Variants in PBX4 observed in about 807,000 individuals in gnomAD.
The protein encoded by PBX4 is pre-B-cell leukemia transcription factor 4.
PBX4 carries 26 observed loss-of-function variants against 35.1 expected under a neutral mutation model. That is an observed-to-expected ratio of 0.74 (90% CI 0.54 to 1.03). The LOEUF (loss-of-function observed/expected upper bound fraction) is 1.03, where lower values mean the gene tolerates loss of function less well. Ranked by LOEUF, PBX4 falls within the 50% of genes least tolerant of loss-of-function variation. The pLI is 0.00. For synonymous variants in PBX4, 199 were observed against 204.2 expected, an observed-to-expected ratio of 0.97 and a Z score of 0.22; for missense variants, 448 against 504.3, an observed-to-expected ratio of 0.89 and a Z score of 1.07.
chr19:19,594,910 C>T (rs991482613), intron 2 of PBX4, among the ~76,000 whole-genome samples: 31 of 152,086 alleles, frequency 2.0e-4, no homozygotes, highest in African/African-American at 5.8e-4. Context: ...TTAGTAGAGA[C>T]GGGGTTTCAT....
At chr19:19,570,017 C>A in intron 4 of PBX4, 92 bp downstream of exon 4, 2 of 1,343,594 alleles carry the variant, frequency 1.5e-6, no homozygotes, top group East Asian at 2.5e-5. Flanking sequence ...GCAGACACAG[C>A]CTCCAGGGCT....
intron 1 of PBX4, among the ~76,000 whole-genome samples, chr19:19,613,711 T>C (rs1452067687): frequency 6.6e-6 from 1 of 152,116 alleles, no homozygotes; most frequent in African/African-American, 2.4e-5. Context: ...GTCAAAACCA[T>C]CTTCCCCCTT....
At chr19:19,564,691 G>A (rs937880319) in intron 6 of PBX4, 24 of 512,070 alleles carry the variant, frequency 4.7e-5, no homozygotes, top group South Asian at 1.6e-4. Flanking sequence ...GTGAGCCACC[G>A]CACCCAGACC....
intron 2 of PBX4, among the ~76,000 whole-genome samples, chr19:19,575,449 G>A (rs781254563): frequency 6.6e-5 from 10 of 152,008 alleles, no homozygotes; most frequent in African/African-American, 1.7e-4. Context: ...CCTATTCCTC[G>A]TAATAACCCT....
chr19:19,574,673 C>T (rs1278310247), intron 2 of PBX4, among the ~76,000 whole-genome samples: 1 of 150,530 alleles, frequency 6.6e-6, no homozygotes, highest in African/African-American at 2.4e-5. Context: ...CTCTCTCTGT[C>T]GCCCAGGCTC....
At chr19:19,580,806 C>T (rs2061449206) in intron 2 of PBX4, among the ~76,000 whole-genome samples, 1 of 152,234 alleles carries the variant, frequency 6.6e-6, no homozygotes, top group Non-Finnish European at 1.5e-5. Context: ...TGCAGTGGCA[C>T]GCTGCAGCCT....
chr19:19,605,060 A>AT (rs1381825586), intron 1 of PBX4, among the ~76,000 whole-genome samples: 1 of 151,826 alleles, frequency 6.6e-6, no homozygotes, highest in Non-Finnish European at 1.5e-5. Flanking sequence ...CTTTAAAAAA[A>AT]ATATATTTTA....
At chr19:19,602,019 T>C (rs951373797) in intron 1 of PBX4, among the ~76,000 whole-genome samples, 5 of 152,082 alleles carry the variant, frequency 3.3e-5, no homozygotes, top group African/African-American at 1.2e-4. Flanking sequence ...TCTGTATTTG[T>C]TGTAGAGACA....
Position 19,563,579 on chromosome 19 carries a change from T to C in PBX4, c.962A>G (p.Asp321Gly). Residue 321 changes from aspartate (D) to glycine (G), a missense_variant, in exon 7 of 8, where the codon GAC (aspartate) becomes GGC (glycine). Coordinates refer to ENST00000251203, the MANE Select transcript of PBX4 (RefSeq NM_025245.3). The surrounding 1 kb of genome is among the most constrained non-coding windows in gnomAD (Gnocchi z 5.1). ...SGPFPLPSAG[D>G]AFLTLRTLAS... Reference sequence around the variant, plus strand: ...CAGAGTCCGCAGGGTGAGGAAGGCGTCCCCAGCGCTGGGCAGCGGGAAGGG... The same window carrying C: ...CAGAGTCCGCAGGGTGAGGAAGGCGCCCCCAGCGCTGGGCAGCGGGAAGGG... The C allele has an allele frequency of 2.6e-6, 4 of 1,550,028 alleles. No homozygotes were observed. The highest frequency in any genetic ancestry group is 3.5e-6 in the Non-Finnish European group (4 of 1,147,064).
chr19:19,588,203 C>G, intron 2 of PBX4: 2 of 1,353,366 alleles, frequency 1.5e-6, no homozygotes, highest in Non-Finnish European at 2.1e-6. Context: ...GCACTCCTTA[C>G]AATAATAGGC....
chr19:19,562,334 G>A lies in PBX4; in HGVS notation c.1033-217C>T, dbSNP rs1478262867. On this transcript the variant is annotated intron_variant, in intron 7 of 7. Coordinates refer to ENST00000251203, the MANE Select transcript of PBX4 (RefSeq NM_025245.3). This position sits in a 1 kb window ranked among gnomAD's most constrained non-coding sequence, Gnocchi z 4.8. ...ACATGGGACATGGACGAGCTTCCCC[G>A]GCAGGAAAACTGGCCTCTAGTGGCT... 6.6e-6 allele frequency among the ~76,000 whole-genome samples: 1 copy of A among 152,178 alleles called. No homozygotes were observed. Among genetic ancestry groups the A allele is most frequent in the African/African-American group, 2.4e-5 (1 of 41,446 alleles).
chr19:19,604,851 C>T (rs531343968), intron 1 of PBX4, among the ~76,000 whole-genome samples: 6 of 152,072 alleles, frequency 3.9e-5, no homozygotes, highest in Admixed American at 2.0e-4. Flanking sequence ...CCACTTGCCT[C>T]GGCCTCCCAA....
At chr19:19,582,818 G>A (rs1181811611) in intron 2 of PBX4, among the ~76,000 whole-genome samples, 1 of 152,176 alleles carries the variant, frequency 6.6e-6, no homozygotes, top group African/African-American at 2.4e-5. Context: ...ACCCTAAGAC[G>A]CTGCGCTGCT....
chr19:19,618,492 C>A lies in PBX4; in HGVS notation c.119+19G>T. On this transcript the variant is annotated intron_variant, in intron 1 of 7. Transcript: ENST00000251203. ...CTGCCACGACCCTGCGTGGCCCCTG[C>A]CGAGCCCGCGGGCAGCACCTGGCCT... 2 of 1,459,352 alleles carry A rather than the reference C, an allele frequency of 1.4e-6. No individual in the cohort carries two copies. The highest frequency in any genetic ancestry group is 2.4e-5 in the Admixed American group (1 of 42,034). 90.4% of individuals were successfully genotyped at this position (1,459,352 alleles called of 1,614,324 possible).
In PBX4 at chr19:19,565,057, C is replaced by T. The variant is rs1218061912; in HGVS notation, c.801G>A (p.Arg267=). 1.4e-5 allele frequency: 23 copies of T among 1,614,208 alleles called. No individual in the cohort carries two copies. The highest frequency in any genetic ancestry group is 1.8e-5 in the Non-Finnish European group (21 of 1,180,040). Residue 267 remains arginine (R), a synonymous_variant, in exon 6 of 8, where the codon CGG becomes CGA. Coordinates refer to ENST00000251203, the MANE Select transcript of PBX4 (RefSeq NM_025245.3). ...GAAACTTCCCCATGTTCTTTTTATA[C>T]CGGATTCTTTTGTTGCCAAACCAGT... ...VSNWFGNKRI[R]YKKNMGKFQE...
At chr19:19,578,111 A>G (rs1055143971) in intron 2 of PBX4, among the ~76,000 whole-genome samples, 1 of 148,946 alleles carries the variant, frequency 6.7e-6, no homozygotes, top group African/African-American at 2.5e-5. Context: ...ATCTGCCTGA[A>G]CCCAGGAGGT....
At chr19:19,564,030 T>A (rs2061325453) in intron 6 of PBX4, among the ~76,000 whole-genome samples, 1 of 151,992 alleles carries the variant, frequency 6.6e-6, no homozygotes, top group African/African-American at 2.4e-5. Flanking sequence ...TTAGGGTACA[T>A]GTGCACAATG....
At chr19:19,583,226 C>T (rs2061466723) in intron 2 of PBX4, among the ~76,000 whole-genome samples, 2 of 152,128 alleles carry the variant, frequency 1.3e-5, no homozygotes, top group Admixed American at 1.3e-4. Context: ...TTGCAGTGGG[C>T]CGAGATCGTG....
intron 2 of PBX4, among the ~76,000 whole-genome samples, chr19:19,598,870 T>G (rs1322037425): frequency 6.7e-6 from 1 of 150,346 alleles, no homozygotes; most frequent in Non-Finnish European, 1.5e-5. Flanking sequence ...TGAGACAAGA[T>G]CAGAGGTGTG....
Sources: allele counts gnomAD v4.1 joint callset (sites outside exome capture counted in the v4.1 genomes callset), GRCh38; gene constraint gnomAD v4.1.1; non-coding constraint Gnocchi (gnomAD v3.1); transcripts MANE v1.5; gene names NCBI Gene and HGNC (gene_info 2026-07-23, HGNC 2026-07-21).